Variants in XPR1 observed in about 807,000 individuals in gnomAD.
XPR1 encodes solute carrier family 53 member 1.
In XPR1, 28 loss-of-function variants were observed where a neutral mutation model predicts 87.5. That is an observed-to-expected ratio of 0.32 (90% confidence interval 0.24 to 0.44). The LOEUF is 0.44. XPR1 is among the 20% of genes least tolerant of loss of function. XPR1 has a pLI of 1.00. For missense variants in XPR1, 559 were observed against 862.3 expected (o/e 0.65, Z 4.41); for synonymous variants, 300 against 306.1 (o/e 0.98, Z 0.21).
intron 2 of XPR1, among the ~76,000 whole-genome samples, chr1:180,755,796 GC>G (rs1426576741): frequency 6.6e-6 from 1 of 152,038 alleles, no homozygotes; most frequent in Non-Finnish European, 1.5e-5. Context: ...TTTCTCATAA[GC>G]CCTGTGGTTT....
chr1:180,739,879 T>C (rs1272306852), intron 2 of XPR1, among the ~76,000 whole-genome samples: 1 of 152,122 alleles, frequency 6.6e-6, no homozygotes, highest in African/African-American at 2.4e-5. Flanking sequence ...TAGCTGAGAC[T>C]ATAGGCGCTT....
chr1:180,647,545 T>C (rs963606268), intron 1 of XPR1, among the ~76,000 whole-genome samples: 4 of 152,224 alleles, frequency 2.6e-5, no homozygotes, highest in African/African-American at 9.6e-5. Context: ...GTCATTCTTC[T>C]TCATTGCGTT....
chr1:180,879,054 G>A (rs1652756977), intron 13 of XPR1, among the ~76,000 whole-genome samples: 1 of 152,104 alleles, frequency 6.6e-6, no homozygotes, highest in African/African-American at 2.4e-5. Context: ...AACCTAACAG[G>A]AACAGCCCTG....
intron 1 of XPR1, among the ~76,000 whole-genome samples, chr1:180,656,496 A>ATAATATTTATATATTATATATAATAT (rs1655506752): frequency 1.8e-4 from 1 of 5,480 alleles, no homozygotes; most frequent in Non-Finnish European, 2.7e-4. Context: ...ATATTTATAT[A>ATAATATTTATATATTATATATAATAT]TTATATATAA....
intron 11 of XPR1, among the ~76,000 whole-genome samples, chr1:180,859,741 T>C (rs914485777): frequency 1.3e-5 from 2 of 152,186 alleles, no homozygotes; most frequent in Admixed American, 6.5e-5. Context: ...CAGTAAGTCC[T>C]CATGTATGTT....
chr1:180,791,212 G>C (rs1649365311), intron 3 of XPR1, among the ~76,000 whole-genome samples: 1 of 152,182 alleles, frequency 6.6e-6, no homozygotes, highest in Admixed American at 6.5e-5. Context: ...ACAAAGAATA[G>C]AAAATGCTTC....
intron 11 of XPR1, among the ~76,000 whole-genome samples, chr1:180,860,471 A>G (rs1048579541): frequency 1.3e-5 from 2 of 152,188 alleles, no homozygotes; most frequent in African/African-American, 2.4e-5. Flanking sequence ...CAGCAAGTAA[A>G]TGGATAAACA....
At chr1:180,879,152 G>C (rs141683148) in intron 13 of XPR1, among the ~76,000 whole-genome samples, 1 of 152,258 alleles carries the variant, frequency 6.6e-6, no homozygotes, top group East Asian at 1.9e-4. Flanking sequence ...AGTCCTGTCA[G>C]CTCCATCTTT....
chr1:180,874,567 G>C (rs1313368657), intron 13 of XPR1, among the ~76,000 whole-genome samples: 1 of 152,034 alleles, frequency 6.6e-6, no homozygotes, highest in Non-Finnish European at 1.5e-5. Context: ...GTGGGCACCT[G>C]TAATCCCAGC....
At chr1:180,667,361 C>G (rs1186008595) in intron 1 of XPR1, among the ~76,000 whole-genome samples, 2 of 152,078 alleles carry the variant, frequency 1.3e-5, no homozygotes, top group African/African-American at 4.8e-5. Context: ...TGATATCCCC[C>G]CTTCATTCTG....
At chr1:180,780,731 G>A (rs1648902993) in intron 2 of XPR1, among the ~76,000 whole-genome samples, 1 of 147,574 alleles carries the variant, frequency 6.8e-6, no homozygotes, top group Non-Finnish European at 1.5e-5. Flanking sequence ...TCGTGCCACT[G>A]CACTCCAACC....
chr1:180,705,361 A>C (rs892845625), intron 2 of XPR1, among the ~76,000 whole-genome samples: 1 of 152,120 alleles, frequency 6.6e-6, no homozygotes, highest in East Asian at 1.9e-4. Context: ...ATATTGGTGT[A>C]TTATCCCATG....
intron 1 of XPR1, among the ~76,000 whole-genome samples, chr1:180,675,010 T>C (rs1310018488): frequency 6.6e-6 from 1 of 152,242 alleles, no homozygotes; most frequent in African/African-American, 2.4e-5. Flanking sequence ...TGTAAGATTT[T>C]ACTGTTATAT....
chr1:180,807,005 G>T (rs370126331), intron 6 of XPR1, among the ~76,000 whole-genome samples: 25 of 152,152 alleles, frequency 1.6e-4, no homozygotes, highest in African/African-American at 5.8e-4. Flanking sequence ...GTCATGCAAA[G>T]TATATTTTCA....
intron 2 of XPR1, among the ~76,000 whole-genome samples, chr1:180,692,665 C>T (rs1185241672): frequency 6.6e-6 from 1 of 152,112 alleles, no homozygotes; most frequent in Non-Finnish European, 1.5e-5. Context: ...GTCTAGTTCA[C>T]TAAGAGGCAA....
intron 6 of XPR1, among the ~76,000 whole-genome samples, chr1:180,807,578 G>A (rs1176868424): frequency 2.0e-5 from 3 of 152,204 alleles, no homozygotes; most frequent in Non-Finnish European, 2.9e-5. Flanking sequence ...GAGATGCTAT[G>A]TTCATGGGTA....
In XPR1 at chr1:180,657,852, A is replaced by G. The variant is rs536278198; in HGVS notation, c.70-24508A>G. On this transcript the variant is annotated intron_variant, in intron 1 of 14. Coordinates refer to ENST00000367590, the MANE Select transcript of XPR1 (RefSeq NM_004736.4). ...TCATTGATATTTTGATAGAGATTGC[A>G]TTGAATCTGTAGATTGCTTTGGGTA... Among the ~76,000 whole-genome samples, 3 of 152,188 alleles carry G rather than the reference A, an allele frequency of 2.0e-5. No homozygotes were observed. The East Asian group carries it at 5.8e-4, about 29-fold the overall frequency.
At chr1:180,666,947 A>G (rs968113441) in intron 1 of XPR1, among the ~76,000 whole-genome samples, 2 of 150,216 alleles carry the variant, frequency 1.3e-5, no homozygotes, top group African/African-American at 4.9e-5. Flanking sequence ...ACAAGGTCTC[A>G]CTCTGTCACC....
chr1:180,704,654 A>G (rs1657491259), intron 2 of XPR1, among the ~76,000 whole-genome samples: 1 of 151,556 alleles, frequency 6.6e-6, no homozygotes, highest in Non-Finnish European at 1.5e-5. Context: ...ATCTTTGGCC[A>G]GTGGGAGCCT....
Sources: gnomAD v4.1 joint callset for allele counts (sites outside exome capture counted in the v4.1 genomes callset) on GRCh38, gnomAD v4.1.1 for gene constraint, MANE v1.5 for transcripts, NCBI Gene and HGNC (gene_info 2026-07-23, HGNC 2026-07-21) for gene names.